ZNF804A: variants seen among roughly 807,000 people sequenced by gnomAD.
ZNF804A encodes the protein zinc finger protein 804A.
A neutral mutation model predicts 16.5 loss-of-function variants in ZNF804A; 2 were observed. The ratio of observed to expected loss-of-function variants is 0.12; its 90% CI spans 0.05 to 0.38. The LOEUF (loss-of-function observed/expected upper bound fraction) is 0.38. Ranked by LOEUF, ZNF804A falls within the 10% of genes least tolerant of loss-of-function variation. The probability of loss-of-function intolerance (pLI) is 0.99; values close to 1 mark genes in which losing one functional copy is unlikely to be tolerated. For synonymous variants in ZNF804A, 534 were observed against 489.6 expected (o/e 1.09, Z -1.20); for missense variants, 1,473 against 1,390.7 (o/e 1.06, Z -0.94).
intron 2 of ZNF804A, among the ~76,000 whole-genome samples, chr2:184,893,796 G>A (rs1364787650): frequency 1.3e-5 from 2 of 152,026 alleles, no homozygotes; most frequent in African/African-American, 4.8e-5. Flanking sequence ...GCATCAATTC[G>A]TTGATATATA....
intron 2 of ZNF804A, among the ~76,000 whole-genome samples, chr2:184,914,187 A>G (rs1356087707): frequency 1.3e-5 from 2 of 152,188 alleles, no homozygotes; most frequent in South Asian, 4.1e-4. Context: ...ATTATTCAAC[A>G]TTAGATTCAC....
intron 2 of ZNF804A, among the ~76,000 whole-genome samples, chr2:184,916,454 G>A (rs1332055157): frequency 6.6e-6 from 1 of 152,112 alleles, no homozygotes; most frequent in Non-Finnish European, 1.5e-5. Context: ...GGAGACAGAA[G>A]TCTAAAAATA....
intron 1 of ZNF804A, among the ~76,000 whole-genome samples, chr2:184,680,766 G>A (rs1304473423): frequency 3.3e-5 from 5 of 152,246 alleles, no homozygotes; most frequent in African/African-American, 1.2e-4. Context: ...GAACAGGGCT[G>A]AAACATGTTC....
At chr2:184,603,829 G>A (rs1400497662) in intron 1 of ZNF804A, among the ~76,000 whole-genome samples, 2 of 151,980 alleles carry the variant, frequency 1.3e-5, no homozygotes, top group Non-Finnish European at 2.9e-5. Flanking sequence ...ACCATCTTGT[G>A]TTTCAATTTT....
chr2:184,767,163 AT>A (rs1694140825), intron 1 of ZNF804A, among the ~76,000 whole-genome samples: 1 of 152,164 alleles, frequency 6.6e-6, no homozygotes, highest in African/African-American at 2.4e-5. Flanking sequence ...AGTTGATAGT[AT>A]TTTGTTAAAG....
chr2:184,729,401 A>C (rs780490910), intron 1 of ZNF804A, among the ~76,000 whole-genome samples: 2 of 151,956 alleles, frequency 1.3e-5, no homozygotes, highest in Admixed American at 6.6e-5. Context: ...TCCCATAAAA[A>C]CATGAGTATA....
chr2:184,841,902 G>GT (rs1295011740), intron 1 of ZNF804A, among the ~76,000 whole-genome samples: 3 of 152,052 alleles, frequency 2.0e-5, no homozygotes, highest in African/African-American at 7.2e-5. Flanking sequence ...CCATTACATG[G>GT]TATAAGACCC....
chr2:184,812,881 A>G (rs1694922940), intron 1 of ZNF804A, among the ~76,000 whole-genome samples: 1 of 152,194 alleles, frequency 6.6e-6, no homozygotes, highest in Non-Finnish European at 1.5e-5. Context: ...TGGTGAGAGT[A>G]AAGAATACAT....
At chr2:184,792,184 A>T (rs939898743) in intron 1 of ZNF804A, among the ~76,000 whole-genome samples, 9 of 152,310 alleles carry the variant, frequency 5.9e-5, no homozygotes, top group African/African-American at 2.2e-4. Context: ...GATACCCAGG[A>T]ATGCAACTGC....
chr2:184,847,495 C>A (rs1054044223), intron 1 of ZNF804A, among the ~76,000 whole-genome samples: 2 of 152,114 alleles, frequency 1.3e-5, no homozygotes, highest in East Asian at 3.9e-4. Flanking sequence ...AACAGCAAAG[C>A]TTTTTATCAC....
chr2:184,807,136 C>T (rs1694820393), intron 1 of ZNF804A, among the ~76,000 whole-genome samples: 1 of 151,652 alleles, frequency 6.6e-6, no homozygotes, highest in Non-Finnish European at 1.5e-5. Context: ...AGACCTAAAT[C>T]AGAAGCAAAG....
intron 2 of ZNF804A, among the ~76,000 whole-genome samples, chr2:184,875,611 T>A (rs1426205468): frequency 1.3e-5 from 2 of 152,118 alleles, no homozygotes; most frequent in African/African-American, 4.8e-5. Context: ...TATTTCTTTA[T>A]AGCAACACAA....
chr2:184,820,420 A>T (rs1695056645), intron 1 of ZNF804A, among the ~76,000 whole-genome samples: 1 of 152,106 alleles, frequency 6.6e-6, no homozygotes, highest in Non-Finnish European at 1.5e-5. Flanking sequence ...TATACCTCAA[A>T]ATAATAAGCG....
intron 1 of ZNF804A, among the ~76,000 whole-genome samples, chr2:184,657,679 T>G (rs1692103231): frequency 6.6e-6 from 1 of 152,232 alleles, no homozygotes; most frequent in Non-Finnish European, 1.5e-5. Context: ...TTCTCTGGGT[T>G]TAGGAAAATT....
chr2:184,770,738 C>A (rs1403845978), intron 1 of ZNF804A, among the ~76,000 whole-genome samples: 1 of 151,856 alleles, frequency 6.6e-6, no homozygotes, highest in East Asian at 1.9e-4. Context: ...GTACCACTAC[C>A]AAATATCTAA....
intron 1 of ZNF804A, among the ~76,000 whole-genome samples, chr2:184,788,597 T>G (rs187943999): frequency 6.6e-6 from 1 of 152,180 alleles, no homozygotes; most frequent in Admixed American, 6.5e-5. Context: ...GTATAACTAT[T>G]GTAAATGGGA....
At chr2:184,886,111 C>A (rs866683576) in intron 2 of ZNF804A, among the ~76,000 whole-genome samples, 2 of 152,266 alleles carry the variant, frequency 1.3e-5, no homozygotes, top group Middle Eastern at 6.8e-3. Context: ...TTCCTAGATA[C>A]AATGGAGGTA....
At chr2:184,792,719 C>T (rs1453492085) in intron 1 of ZNF804A, among the ~76,000 whole-genome samples, 2 of 152,072 alleles carry the variant, frequency 1.3e-5, no homozygotes, top group African/African-American at 4.8e-5. Context: ...AAGTCATCAG[C>T]TTGCACAAGA....
At position 184,937,151 on chromosome 2, in the gene ZNF804A, C is replaced by A; in HGVS notation, c.1755C>A (p.Thr585=). 6.2e-7 allele frequency: 1 copy of A among 1,602,742 alleles called. No homozygotes were observed. The highest frequency in any genetic ancestry group is 2.2e-5 in the East Asian group (1 of 44,744). Residue 585 remains threonine (T), a synonymous_variant, in exon 4 of 4, where the codon ACC becomes ACA. Coordinates refer to ENST00000302277, the MANE Select transcript of ZNF804A (RefSeq NM_194250.2). ...ACAACAAAATAAGGTTGAAAGAGAC[C>A]CATGAATACTGGTTCCATAAAAGTA... ...EKYNKIRLKE[T]HEYWFHKSRR...
Sources: gnomAD v4.1 joint callset for allele counts (sites outside exome capture counted in the v4.1 genomes callset) on GRCh38, gnomAD v4.1.1 for gene constraint, MANE v1.5 for transcripts, NCBI Gene and HGNC (gene_info 2026-07-23, HGNC 2026-07-21) for gene names.